The following CLEC2A variants were observed in gnomAD, a reference collection of about 807,000 sequenced individuals.
CLEC2A encodes the protein keratinocyte-associated C-type lectin.
Under a neutral mutation model 18.6 loss-of-function variants are expected in CLEC2A, and 19 were observed. That is an observed-to-expected ratio of 1.02 (90% CI 0.71 to 1.50). The LOEUF is 1.50. Among genes scored for constraint, CLEC2A ranks in the 40% most tolerant of loss-of-function variants. CLEC2A has a pLI of 0.00. For missense variants in CLEC2A, 190 were observed against 207.9 expected, an observed-to-expected ratio of 0.91 and a Z score of 0.53; for synonymous variants, 74 against 64.0, an observed-to-expected ratio of 1.16 and a Z score of -0.75.
At chr12:9,908,623 C>G (rs536207806), downstream of CLEC2A, among the ~76,000 whole-genome samples, 1 of 151,972 alleles carries the variant, frequency 6.6e-6, no homozygotes, top group Non-Finnish European at 1.5e-5. Context: ...GAGCCCCTGG[C>G]CCCCCCTATT....
intron 4 of CLEC2A, 30 bp from the exon 5 acceptor site, chr12:9,913,710 G>T: frequency 7.2e-7 from 1 of 1,390,960 alleles, no homozygotes; most frequent in Non-Finnish European, 9.8e-7. Flanking sequence ...ATCAGTCTGG[G>T]AACCACTTAC....
downstream of CLEC2A, among the ~76,000 whole-genome samples, chr12:9,910,220 T>C (rs559062602): frequency 5.3e-5 from 8 of 152,306 alleles, no homozygotes; most frequent in African/African-American, 1.9e-4. Context: ...TTTGGTTCTT[T>C]TATTATCTTA....
downstream of CLEC2A, among the ~76,000 whole-genome samples, chr12:9,896,858 A>ATT (rs764556099): frequency 6.0e-4 from 81 of 135,946 alleles, no homozygotes; most frequent in African/African-American, 1.3e-3. Flanking sequence ...CAGTCTCTTA[A>ATT]TTTTTTTTTT....
the CLEC2A span, among the ~76,000 whole-genome samples, chr12:9,880,210 T>C: frequency 2.0e-5 from 3 of 152,146 alleles, no homozygotes; most frequent in African/African-American, 7.2e-5. Flanking sequence ...CTCAGAGAAA[T>C]ACATCTAAAT....
chr12:9,898,312 G>T (rs1862780091), downstream of CLEC2A, among the ~76,000 whole-genome samples: 1 of 152,152 alleles, frequency 6.6e-6, no homozygotes, highest in African/African-American at 2.4e-5. Flanking sequence ...CCTTCCTCGG[G>T]AAACTGACCC....
chr12:9,900,797 G>C (rs1489110873), intron 4 of CLEC2A, among the ~76,000 whole-genome samples: 1 of 152,198 alleles, frequency 6.6e-6, no homozygotes, highest in African/African-American at 2.4e-5. Context: ...GGCTCTGCAA[G>C]TCGAGATTGA....
intron 1 of CLEC2A, among the ~76,000 whole-genome samples, chr12:9,930,466 C>T (rs996907363): frequency 2.0e-5 from 3 of 152,016 alleles, no homozygotes; most frequent in Non-Finnish European, 4.4e-5. Context: ...TCGTCTTCTG[C>T]AAACTTTTAG....
chr12:9,892,949 C>A, the CLEC2A span: 2 of 1,224,474 alleles, frequency 1.6e-6, no homozygotes, highest in Non-Finnish European at 2.2e-6. Flanking sequence ...CAAGTAGTCA[C>A]ATTTGATAAT....
At chr12:9,898,404 C>T (rs1297529216), downstream of CLEC2A, among the ~76,000 whole-genome samples, 2 of 152,160 alleles carry the variant, frequency 1.3e-5, no homozygotes, top group Admixed American at 1.3e-4. Flanking sequence ...TTACTTCTTC[C>T]TAGTATTTTT....
At chr12:9,879,469 T>A in the CLEC2A span, among the ~76,000 whole-genome samples, 1 of 152,240 alleles carries the variant, frequency 6.6e-6, no homozygotes, top group Non-Finnish European at 1.5e-5. Context: ...TTTTCTTGAA[T>A]GACTATACAC....
intron 1 of CLEC2A, among the ~76,000 whole-genome samples, 200 bp downstream of exon 1, chr12:9,932,075 C>T (rs1455178627): frequency 6.6e-6 from 1 of 152,180 alleles, no homozygotes; most frequent in Admixed American, 6.5e-5. Context: ...AACCTTCTTA[C>T]ACACAAGCTT....
At chr12:9,901,507 A>G (rs1862829195) in intron 4 of CLEC2A, among the ~76,000 whole-genome samples, 1 of 152,220 alleles carries the variant, frequency 6.6e-6, no homozygotes, top group Non-Finnish European at 1.5e-5. Flanking sequence ...TTTAGAGCAT[A>G]CATTAGCTTT....
At chr12:9,925,910 C>T (rs1049637689) in intron 2 of CLEC2A, among the ~76,000 whole-genome samples, 1 of 152,142 alleles carries the variant, frequency 6.6e-6, no homozygotes, top group African/African-American at 2.4e-5. Flanking sequence ...TCATTGTCTC[C>T]GGGATTGGCT....
downstream of CLEC2A, among the ~76,000 whole-genome samples, chr12:9,912,706 C>G (rs1480245146): frequency 6.6e-6 from 1 of 151,142 alleles, no homozygotes; most frequent in Non-Finnish European, 1.5e-5. Flanking sequence ...TGCTAGAGCA[C>G]TTCCTGCTGA....
chr12:9,894,012 A>G (rs1266466995), downstream of CLEC2A, among the ~76,000 whole-genome samples: 3 of 151,674 alleles, frequency 2.0e-5, no homozygotes, highest in East Asian at 1.9e-4. Context: ...GTTGATATCC[A>G]TTTCTTTTTC....
chr12:9,881,606 A>G, the CLEC2A span: 1 of 1,533,886 alleles, frequency 6.5e-7, no homozygotes, highest in South Asian at 1.2e-5. Context: ...ATGGAGAATG[A>G]AGATGGGTAT....
chr12:9,926,132 T>C (rs1591796269), intron 2 of CLEC2A, 128 bp downstream of exon 2: 1 of 536,066 alleles, frequency 1.9e-6, no homozygotes, highest in Admixed American at 3.7e-5. Flanking sequence ...CTGGTAAAAA[T>C]TTGAGGACAA....
chr12:9,926,574 A>G (rs1477181885), intron 1 of CLEC2A, among the ~76,000 whole-genome samples: 1 of 152,122 alleles, frequency 6.6e-6, no homozygotes, highest in Non-Finnish European at 1.5e-5. Context: ...GAAATCACTG[A>G]GTTTTGGGGG....
chr12:9,912,269 A>G (rs7954032), downstream of CLEC2A, among the ~76,000 whole-genome samples: 222 of 152,214 alleles, frequency 1.5e-3, no homozygotes, highest in African/African-American at 5.2e-3. Flanking sequence ...GTGGTGGCTT[A>G]TGGCTGGGAG....
Sources: allele counts gnomAD v4.1 joint callset (sites outside exome capture counted in the v4.1 genomes callset), GRCh38; gene constraint gnomAD v4.1.1; transcripts MANE v1.5; gene names NCBI Gene and HGNC (gene_info 2026-07-23, HGNC 2026-07-21).